Variants in CAPN3 observed in about 807,000 individuals in gnomAD.
CAPN3 encodes the protein calpain 3, also known as calpain-3.
In CAPN3, 88 loss-of-function variants were observed where a neutral mutation model predicts 114.0. The ratio of observed to expected loss-of-function variants is 0.77; its 90% CI spans 0.65 to 0.92. The LOEUF is 0.92. Ranked by LOEUF, CAPN3 falls within the 40% of genes least tolerant of loss-of-function variation. CAPN3 has a pLI of 0.00. For missense variants in CAPN3, 1,028 were observed against 1,069.0 expected, an observed-to-expected ratio of 0.96 and a Z score of 0.53; for synonymous variants, 386 against 382.9, an observed-to-expected ratio of 1.01 and a Z score of -0.09.
chr15:42,410,435 G>A lies in CAPN3; in HGVS notation c.2123G>A (p.Gly708Asp), dbSNP rs2054177297. Residue 708 changes from glycine to aspartate, a missense_variant, in exon 20 of 24, where the codon GGC becomes GAC. Transcript: ENST00000397163. The stretch of plus-strand genomic sequence containing the variant: ...CTGACCTCCCTCCTCCAGACAGATG[G>A]CTCTGGAAAGCTCAACCTGCAGGAG... ...RSMIALMDTDGSGKLNLQEFH... is the reference protein window; with the variant it reads ...RSMIALMDTDDSGKLNLQEFH... 6.2e-7 allele frequency: 1 copy of A among 1,614,094 alleles called. No homozygotes were observed. The highest frequency in any genetic ancestry group is 8.5e-7 in the Non-Finnish European group (1 of 1,179,984).
At chr15:42,384,452 C>G (rs750855352) in intron 1 of CAPN3, 31 bp from the exon 2 acceptor site, 21 of 1,523,432 alleles carry the variant, frequency 1.4e-5, no homozygotes, top group Non-Finnish European at 1.8e-5. Flanking sequence ...TACTGTTATT[C>G]TTACCTGGTC....
intron 7 of CAPN3, 95 bp from the exon 8 acceptor site, chr15:42,394,161 A>T (rs1036607589): frequency 5.0e-5 from 58 of 1,153,960 alleles, no homozygotes; most frequent in Non-Finnish European, 6.6e-5. Flanking sequence ...CGCGTAAGAG[A>T]TTTGCCCCCC....
At chr15:42,404,370 G>T (rs767501399) in intron 14 of CAPN3, 4 of 456,516 alleles carry the variant, frequency 8.8e-6, no homozygotes, top group South Asian at 6.2e-5. Flanking sequence ...ACCTTACAAG[G>T]TACTTTTCAC....
intron 9 of CAPN3, 65 bp downstream of exon 9, chr15:42,396,942 C>T: frequency 2.5e-6 from 3 of 1,178,320 alleles, no homozygotes; most frequent in East Asian, 4.7e-5. Flanking sequence ...AATCTCAGAC[C>T]TCAGTCCCCA....
intron 10 of CAPN3, among the ~76,000 whole-genome samples, chr15:42,400,650 C>T (rs2053837062): frequency 6.6e-6 from 1 of 151,906 alleles, no homozygotes; most frequent in South Asian, 2.1e-4. Context: ...CATGCCACTG[C>T]ACTCCTGCCT....
chr15:42,404,729 G>A lies in CAPN3; in HGVS notation c.1782+952G>A, dbSNP rs926024362. 3 of 1,157,606 alleles carry A rather than the reference G, an allele frequency of 2.6e-6. No homozygotes were observed. In the African/African-American group the frequency reaches 4.8e-5, roughly 19 times the overall value. The allele number at this position is 1,157,606 out of a possible 1,614,324, so 71.7% of individuals were successfully genotyped here. On this transcript the variant is annotated intron_variant, in intron 14 of 23. Coordinates refer to ENST00000397163, the MANE Select transcript of CAPN3 (RefSeq NM_000070.3). ...TCTGTGGGGATGACGTAGGCCAATG[G>A]GAGGACAAATGCCCCTCTGAACTGT...
At chr15:42,385,955 G>T (rs2053392441) in intron 2 of CAPN3, 1 of 725,450 alleles carries the variant, frequency 1.4e-6, no homozygotes, top group African/African-American at 1.7e-5. Flanking sequence ...AGTCACAAGG[G>T]AGTAAGTTAC....
rs763183871 is a variant in CAPN3, at chr15:42,402,959, G to A, written c.1702G>A (p.Glu568Lys). The A allele has an allele frequency of 2.5e-6, 4 of 1,614,208 alleles. No homozygotes were observed. The highest frequency in any genetic ancestry group is 2.2e-5 in the South Asian group (2 of 91,076). ...PSTYEPHQEG[E>K]FILRVFSEKR... ...CACCTACGAGCCCCACCAGGAGGGG[G>A]AATTCATCCTCCGGGTCTTCTCTGA... The change falls in exon 13 of 24, where the codon GAA becomes AAA. Residue 568 changes from glutamate (E) to lysine (K), a missense_variant. Coordinates refer to ENST00000397163, the MANE Select transcript of CAPN3 (RefSeq NM_000070.3).
chr15:42,369,888 T>C (rs1447288542), intron 1 of CAPN3, among the ~76,000 whole-genome samples: 2 of 143,006 alleles, frequency 1.4e-5, no homozygotes, highest in Non-Finnish European at 3.0e-5. Flanking sequence ...TTTTTTTTTT[T>C]GAGACAGAGT....
intron 4 of CAPN3, among the ~76,000 whole-genome samples, chr15:42,388,606 GC>G (rs1435215784): frequency 2.6e-5 from 4 of 152,050 alleles, no homozygotes; most frequent in Non-Finnish European, 5.9e-5. Context: ...CACACCGGCA[GC>G]TGCTAATGGC....
chr15:42,377,752 T>A (rs929169543), intron 1 of CAPN3, among the ~76,000 whole-genome samples: 1 of 152,266 alleles, frequency 6.6e-6, no homozygotes, highest in African/African-American at 2.4e-5. Context: ...ATATTATTTC[T>A]TCCTTGAATA....
chr15:42,399,543 C>T lies in CAPN3; in HGVS notation c.1245C>T (p.Asn415=), dbSNP rs2053805296. 6.2e-7 allele frequency: 1 copy of T among 1,613,716 alleles called. No individual in the cohort carries two copies. Among genetic ancestry groups the T allele is most frequent in the African/African-American group, 1.3e-5 (1 of 74,898 alleles). The change falls in exon 10 of 24, where the codon AAC becomes AAT. Residue 415 remains asparagine (N), a synonymous_variant. Transcript: ENST00000397163. ...IYHFTKLEIC[N]LTADALQSDK... ...ATTTCACAAAGTTGGAGATCTGCAA[C>T]CTCACGGCCGATGCTCTGCAGTCTG...
At chr15:42,367,830 TC>T (rs986469455) in intron 1 of CAPN3, among the ~76,000 whole-genome samples, 84 of 152,218 alleles carry the variant, frequency 5.5e-4, no homozygotes, top group African/African-American at 2.0e-3. Context: ...TTTTTTTCTC[TC>T]TTTTTTTTAA....
chr15:42,366,571 G>C (rs1317547609), intron 1 of CAPN3, among the ~76,000 whole-genome samples: 2 of 152,012 alleles, frequency 1.3e-5, no homozygotes, highest in African/African-American at 4.8e-5. Context: ...CTCTTCTCGA[G>C]GAAAACCTGT....
intron 15 of CAPN3, among the ~76,000 whole-genome samples, chr15:42,406,425 A>G (rs2054023837): frequency 6.6e-6 from 1 of 152,112 alleles, no homozygotes. Context: ...TCCTCCAGGT[A>G]CTGGTGCTGG....
At chr15:42,393,031 G>C (rs1164766340) in intron 7 of CAPN3, among the ~76,000 whole-genome samples, 1 of 152,156 alleles carries the variant, frequency 6.6e-6, no homozygotes, top group Non-Finnish European at 1.5e-5. Flanking sequence ...ATGTGTTCTT[G>C]AGCTTCCTGT....
intron 1 of CAPN3, among the ~76,000 whole-genome samples, chr15:42,367,034 A>G (rs1490407144): frequency 6.6e-6 from 1 of 151,894 alleles, no homozygotes; most frequent in African/African-American, 2.4e-5. Context: ...GGGTTTCACC[A>G]TATTGACTAG....
At position 42,402,474 on chromosome 15, in the gene CAPN3, C is replaced by T. The variant is rs573276097; in HGVS notation, c.1537-320C>T. The T allele has an allele frequency of 4.2e-6, 6 of 1,426,058 alleles. No homozygotes were observed. The African/African-American group carries it at 5.7e-5, about 14-fold the overall frequency. 88.3% of individuals were successfully genotyped at this position (1,426,058 alleles called of 1,614,324 possible). A position where few individuals can be genotyped will look rare whatever the true frequency, so the allele number is the denominator to read the frequency against. On this transcript the variant is annotated intron_variant, in intron 12 of 23. Coordinates refer to ENST00000397163, the MANE Select transcript of CAPN3 (RefSeq NM_000070.3). The stretch of plus-strand genomic sequence containing the variant: ...CCCGCTTGGGATGGAGGAATCACTT[C>T]CCTCAGAACCCAGCCAAGTCCTCTA...
chr15:42,376,308 T>A (rs566486055), intron 1 of CAPN3, among the ~76,000 whole-genome samples: 1 of 152,350 alleles, frequency 6.6e-6, no homozygotes, highest in African/African-American at 2.4e-5. Flanking sequence ...TCTGCCCTCT[T>A]GAGGGCAGAG....
Sources: gnomAD v4.1 joint callset for allele counts (sites outside exome capture counted in the v4.1 genomes callset) on GRCh38, gnomAD v4.1.1 for gene constraint, MANE v1.5 for transcripts, NCBI Gene and HGNC (gene_info 2026-07-23, HGNC 2026-07-21) for gene names.